ARHGAP12: variants seen among roughly 807,000 people sequenced by gnomAD.
The protein encoded by ARHGAP12 is rho GTPase-activating protein 12.
In ARHGAP12, 64 loss-of-function variants were observed where a neutral mutation model predicts 108.6. The ratio of observed to expected loss-of-function variants is 0.59; its 90% confidence interval spans 0.48 to 0.73. ARHGAP12 has a LOEUF of 0.73. Among genes scored for constraint, ARHGAP12 ranks in the 30% least tolerant of loss-of-function variants. ARHGAP12 has a pLI of 0.00. For missense variants in ARHGAP12, 940 were observed against 1,005.9 expected, an observed-to-expected ratio of 0.93 and a Z score of 0.89; for synonymous variants, 312 against 337.2, an observed-to-expected ratio of 0.93 and a Z score of 0.82.
Position 31,861,513 on chromosome 10 carries a change from C to T in ARHGAP12, c.830G>A (p.Ser277Asn), listed in dbSNP as rs1837114824. The T allele has an allele frequency of 5.0e-6, 8 of 1,614,148 alleles. No individual in the cohort carries two copies. The highest frequency in any genetic ancestry group is 6.8e-6 in the Non-Finnish European group (8 of 1,180,016). The change falls in exon 4 of 20, where the codon AGC (serine) becomes AAC (asparagine). Residue 277 changes from serine (S) to asparagine (N), a missense_variant. By Grantham distance (46) the Ser-to-Asn change is conservative. Transcript: ENST00000344936. ...GTTATAGTAATAGCAACGCCCTGAGCTGTCTTTATGAGTTTCCCATTCTCC... is the reference window on the plus strand; with the variant it reads ...GTTATAGTAATAGCAACGCCCTGAGTTGTCTTTATGAGTTTCCCATTCTCC... The part of the protein sequence containing the change: ...INGEWETHKD[S>N]SGRCYYYNRG...
At chr10:31,858,056 T>C (rs1836950724) in intron 4 of ARHGAP12, among the ~76,000 whole-genome samples, 1 of 152,020 alleles carries the variant, frequency 6.6e-6, no homozygotes, top group Non-Finnish European at 1.5e-5. Flanking sequence ...ATTAAAAAAT[T>C]AGCCAGGCAT....
chr10:31,830,526 G>A (rs1224740821), intron 10 of ARHGAP12, among the ~76,000 whole-genome samples: 2 of 151,818 alleles, frequency 1.3e-5, no homozygotes, highest in Non-Finnish European at 2.9e-5. Context: ...AACAGTTTAA[G>A]GGATACATAA....
At chr10:31,857,282 T>C (rs184500201) in intron 4 of ARHGAP12, among the ~76,000 whole-genome samples, 2 of 152,246 alleles carry the variant, frequency 1.3e-5, no homozygotes, top group East Asian at 3.9e-4. Context: ...TTAAAACTTT[T>C]CAAAGTAGTG....
intron 3 of ARHGAP12, among the ~76,000 whole-genome samples, chr10:31,868,561 T>C (rs1274978926): frequency 6.6e-6 from 1 of 152,014 alleles, no homozygotes; most frequent in East Asian, 1.9e-4. Context: ...TCATCTGAGG[T>C]TGCTTATTAA....
chr10:31,827,055 C>T (rs1156233274), intron 10 of ARHGAP12: 2 of 152,180 alleles, frequency 1.3e-5, no homozygotes, highest in Non-Finnish European at 2.9e-5. Context: ...AATGTTAAGA[C>T]TTTGGTATAA....
At chr10:31,873,056 G>A (rs1261826181) in intron 3 of ARHGAP12, among the ~76,000 whole-genome samples, 1 of 152,106 alleles carries the variant, frequency 6.6e-6, no homozygotes, top group Non-Finnish European at 1.5e-5. Context: ...TAGAGCATCA[G>A]TATCTAACAG....
rs376445093 is a variant in ARHGAP12, at chr10:31,922,402, A to AT, written c.-111+6280dup. 8.6e-3 allele frequency among the ~76,000 whole-genome samples: 1,227 copies of AT among 142,436 alleles called. 10 individuals carry two copies. The highest frequency in any genetic ancestry group is 0.021 in the African/African-American group (831 of 39,118). 93.4% of individuals were successfully genotyped at this position (142,436 alleles called of 152,430 possible). A position where few individuals can be genotyped will look rare whatever the true frequency, so the allele number is the denominator to read the frequency against. ...TCAACAATCCACATGAAGTAGACAA[A>AT]TTTTTTTTTTTTTTTTAAGAGACAG... On this transcript the variant is annotated intron_variant, in intron 1 of 19. Coordinates refer to ENST00000344936, the MANE Select transcript of ARHGAP12 (RefSeq NM_018287.7).
chr10:31,905,799 AGAG>A (rs1839111414), intron 3 of ARHGAP12, among the ~76,000 whole-genome samples: 1 of 151,626 alleles, frequency 6.6e-6, no homozygotes, highest in African/African-American at 2.4e-5. Context: ...CTGGGGGAAA[AGAG>A]GACTGTTGAT....
intron 3 of ARHGAP12, among the ~76,000 whole-genome samples, chr10:31,902,756 A>C (rs1397684718): frequency 6.6e-6 from 1 of 152,300 alleles, no homozygotes; most frequent in African/African-American, 2.4e-5. Flanking sequence ...TAAAGCATTC[A>C]GGATCTAAGG....
chr10:31,810,585 T>C (rs1043951446), intron 16 of ARHGAP12, 64 bp downstream of exon 16: 13 of 1,159,412 alleles, frequency 1.1e-5, no homozygotes, highest in Non-Finnish European at 1.5e-5. Context: ...CTAGGAATTT[T>C]GATGGCAAAA....
chr10:31,818,983 T>C (rs1835311128), intron 12 of ARHGAP12, among the ~76,000 whole-genome samples: 1 of 152,132 alleles, frequency 6.6e-6, no homozygotes, highest in South Asian at 2.1e-4. Flanking sequence ...TATTGAATGT[T>C]TACTGCACAT....
intron 1 of ARHGAP12, among the ~76,000 whole-genome samples, chr10:31,925,589 T>TTG (rs1274042361): frequency 2.0e-5 from 3 of 152,188 alleles, no homozygotes; most frequent in African/African-American, 7.2e-5. Context: ...CACATATACA[T>TTG]TGTATAGCCA....
intron 9 of ARHGAP12, among the ~76,000 whole-genome samples, chr10:31,835,939 G>A (rs924142127): frequency 3.9e-5 from 6 of 152,060 alleles, no homozygotes; most frequent in East Asian, 3.9e-4. Context: ...AGCCACACAC[G>A]TTGTAAATAT....
intron 3 of ARHGAP12, among the ~76,000 whole-genome samples, chr10:31,905,312 T>C (rs1276862800): frequency 6.6e-6 from 1 of 152,056 alleles, no homozygotes; most frequent in East Asian, 1.9e-4. Context: ...CTCAGGCTGG[T>C]CTCAAACTCC....
intron 1 of ARHGAP12, among the ~76,000 whole-genome samples, chr10:31,917,419 G>T (rs1839609497): frequency 6.6e-6 from 1 of 152,004 alleles, no homozygotes; most frequent in Non-Finnish European, 1.5e-5. Flanking sequence ...AAATAAAAAA[G>T]AAAAGAAATC....
chr10:31,857,002 G>A (rs1836910092), intron 4 of ARHGAP12, among the ~76,000 whole-genome samples: 1 of 152,080 alleles, frequency 6.6e-6, no homozygotes, highest in Admixed American at 6.6e-5. Flanking sequence ...TATGTCTTGG[G>A]TATGATAAAT....
At chr10:31,824,927 G>A (rs888310652) in intron 11 of ARHGAP12, among the ~76,000 whole-genome samples, 2 of 152,074 alleles carry the variant, frequency 1.3e-5, no homozygotes, top group Non-Finnish European at 1.5e-5. Context: ...TAGGAAGAAA[G>A]AAACAATTAC....
intron 9 of ARHGAP12, among the ~76,000 whole-genome samples, chr10:31,835,033 T>C (rs1835960516): frequency 6.6e-6 from 1 of 151,906 alleles, no homozygotes; most frequent in Non-Finnish European, 1.5e-5. Context: ...ACCCCATCTC[T>C]ACTAAAAATA....
At chr10:31,917,724 C>A (rs1207620126) in intron 1 of ARHGAP12, among the ~76,000 whole-genome samples, 1 of 152,168 alleles carries the variant, frequency 6.6e-6, no homozygotes, top group African/African-American at 2.4e-5. Context: ...CTGGCCACTG[C>A]AAAGTTCTAG....
Sources: gnomAD v4.1 joint callset for allele counts (sites outside exome capture counted in the v4.1 genomes callset) on GRCh38, gnomAD v4.1.1 for gene constraint, MANE v1.5 for transcripts, NCBI Gene and HGNC (gene_info 2026-07-23, HGNC 2026-07-21) for gene names.